Variants in TOX observed in about 807,000 individuals in gnomAD.
TOX encodes thymocyte selection associated high mobility group box.
TOX carries 11 observed loss-of-function variants against 53.7 expected under a neutral mutation model. The observed-to-expected ratio is 0.20, with a 90% CI of 0.13 to 0.34. TOX has a LOEUF of 0.34. Ranked by LOEUF, TOX falls within the 10% of genes least tolerant of loss-of-function variation. The probability of loss-of-function intolerance (pLI) is 1.00; values close to 1 mark genes in which losing one functional copy is unlikely to be tolerated. For missense variants in TOX, 570 were observed against 664.6 expected, an observed-to-expected ratio of 0.86 and a Z score of 1.56; for synonymous variants, 225 against 245.3, an observed-to-expected ratio of 0.92 and a Z score of 0.77.
At chr8:59,056,180 C>T (rs537969509) in intron 1 of TOX, among the ~76,000 whole-genome samples, 2 of 152,058 alleles carry the variant, frequency 1.3e-5, no homozygotes, top group South Asian at 4.1e-4. Context: ...AATCCCAGCA[C>T]TTTGGGAGGC....
chr8:59,065,462 G>A (rs1017578806), intron 1 of TOX, among the ~76,000 whole-genome samples: 4 of 152,130 alleles, frequency 2.6e-5, no homozygotes, highest in Non-Finnish European at 1.5e-5. Flanking sequence ...TTAAGAGGAA[G>A]TAACTTAGTA....
intron 1 of TOX, among the ~76,000 whole-genome samples, chr8:59,108,249 T>C (rs1176650567): frequency 1.3e-5 from 2 of 152,236 alleles, no homozygotes; most frequent in African/African-American, 4.8e-5. Flanking sequence ...GCTGAAACGC[T>C]TGCCACTTCA....
At chr8:58,959,807 G>A (rs147524478) in intron 2 of TOX, 136 bp downstream of exon 2, 85 of 996,022 alleles carry the variant, frequency 8.5e-5, no homozygotes, top group African/African-American at 8.0e-4. Context: ...TGGAAACAAG[G>A]CTTAAATGCT....
intron 3 of TOX, among the ~76,000 whole-genome samples, chr8:58,932,727 T>C (rs1016841593): frequency 1.3e-5 from 2 of 152,164 alleles, no homozygotes; most frequent in Non-Finnish European, 2.9e-5. Context: ...CTAATACATC[T>C]GAATTCCTTG....
At chr8:59,098,032 G>A (rs1804742275) in intron 1 of TOX, among the ~76,000 whole-genome samples, 1 of 151,812 alleles carries the variant, frequency 6.6e-6, no homozygotes, top group Non-Finnish European at 1.5e-5. Context: ...GGAGTAACCA[G>A]CACAAATATG....
chr8:58,815,116 C>T (rs1271306812), intron 7 of TOX, among the ~76,000 whole-genome samples: 1 of 152,226 alleles, frequency 6.6e-6, no homozygotes, highest in African/African-American at 2.4e-5. Flanking sequence ...AAAGAAGTGA[C>T]TGTCAATTGT....
At chr8:59,092,292 AT>A (rs1804629414) in intron 1 of TOX, among the ~76,000 whole-genome samples, 1 of 114,574 alleles carries the variant, frequency 8.7e-6, no homozygotes, top group African/African-American at 5.6e-5. Context: ...TTATATATAC[AT>A]TATATATATT....
At chr8:58,989,679 T>C (rs1813404865) in intron 1 of TOX, among the ~76,000 whole-genome samples, 1 of 152,142 alleles carries the variant, frequency 6.6e-6, no homozygotes, top group African/African-American at 2.4e-5. Flanking sequence ...GCAGAAAAAA[T>C]TAAGTGTCCT....
At chr8:59,101,716 A>G (rs1267271332) in intron 1 of TOX, among the ~76,000 whole-genome samples, 13 of 152,238 alleles carry the variant, frequency 8.5e-5, no homozygotes, top group Admixed American at 6.5e-4. Context: ...TTATTTACAC[A>G]TGTCCATTTA....
At chr8:58,974,208 C>T (rs1313622782) in intron 1 of TOX, among the ~76,000 whole-genome samples, 2 of 152,262 alleles carry the variant, frequency 1.3e-5, no homozygotes, top group South Asian at 4.1e-4. Flanking sequence ...ATGCTTCTGG[C>T]GTCTAGTGGA....
chr8:58,870,528 C>A (rs1811180462), intron 3 of TOX, among the ~76,000 whole-genome samples: 1 of 152,042 alleles, frequency 6.6e-6, no homozygotes, highest in African/African-American at 2.4e-5. Flanking sequence ...TAGATATTGA[C>A]AAAATGGTTT....
In TOX at chr8:58,858,617, G is replaced by A. The variant is rs905308567; in HGVS notation, c.412-6812C>T. Among the ~76,000 whole-genome samples the A allele has an allele frequency of 3.3e-5, 5 of 152,358 alleles. No individual in the cohort carries two copies. The East Asian group carries it at 5.8e-4, about 18-fold the overall frequency. On this transcript the variant is annotated intron_variant, in intron 3 of 8. Coordinates refer to ENST00000361421, the MANE Select transcript of TOX (RefSeq NM_014729.3). ...CCAGTTGCAGCAGGAGCAGGAGAACGTGAGGAATCTCTCAAGCCCGTCCAT... is the reference window on the plus strand; with the variant it reads ...CCAGTTGCAGCAGGAGCAGGAGAACATGAGGAATCTCTCAAGCCCGTCCAT...
intron 1 of TOX, among the ~76,000 whole-genome samples, chr8:58,998,698 C>T (rs560247118): frequency 7.0e-6 from 1 of 141,934 alleles, no homozygotes; most frequent in South Asian, 2.3e-4. Context: ...CAGGAGCAGC[C>T]TAGAAGGTAT....
chr8:58,919,097 G>A (rs564439411), intron 3 of TOX, among the ~76,000 whole-genome samples: 12 of 151,116 alleles, frequency 7.9e-5, no homozygotes, highest in African/African-American at 2.9e-4. Context: ...TCATGGGTAG[G>A]AAGAATCAAT....
intron 3 of TOX, among the ~76,000 whole-genome samples, chr8:58,904,924 G>A (rs893982641): frequency 6.6e-6 from 1 of 152,208 alleles, no homozygotes; most frequent in Non-Finnish European, 1.5e-5. Context: ...CGAATTGGCT[G>A]TATAACCATT....
Position 59,063,669 on chromosome 8 carries a change from G to A in TOX, c.102+55217C>T, listed in dbSNP as rs181368007. On this transcript the variant is annotated intron_variant, in intron 1 of 8. Transcript: ENST00000361421. ...GATCTCCAGACCTCGTGATCCACCC[G>A]CCTCGGCCTCTTAAAGTGCTGGGAT... 4.1e-4 allele frequency among the ~76,000 whole-genome samples: 63 copies of A among 152,026 alleles called. 1 individual carries two copies. The highest frequency in any genetic ancestry group is 1.1e-3 in the African/African-American group (44 of 41,492).
chr8:59,041,304 TC>T (rs1303492520), intron 1 of TOX, among the ~76,000 whole-genome samples: 1 of 152,176 alleles, frequency 6.6e-6, no homozygotes, highest in Non-Finnish European at 1.5e-5. Context: ...TCTGGCACCT[TC>T]TTTCACTCCC....
At chr8:58,883,413 A>G (rs974360276) in intron 3 of TOX, among the ~76,000 whole-genome samples, 14 of 152,254 alleles carry the variant, frequency 9.2e-5, no homozygotes, top group Non-Finnish European at 1.5e-4. Context: ...AGAAAATTAT[A>G]CATTCAAATC....
chr8:59,036,544 C>A (rs1312894845), intron 1 of TOX, among the ~76,000 whole-genome samples: 1 of 152,170 alleles, frequency 6.6e-6, no homozygotes, highest in Non-Finnish European at 1.5e-5. Context: ...ATCCTAAACA[C>A]ACCTATGTCC....
Sources: allele counts gnomAD v4.1 joint callset (sites outside exome capture counted in the v4.1 genomes callset), GRCh38; gene constraint gnomAD v4.1.1; transcripts MANE v1.5; gene names NCBI Gene and HGNC (gene_info 2026-07-23, HGNC 2026-07-21).